AMOTL1: variants seen among roughly 807,000 people sequenced by gnomAD.
AMOTL1 encodes angiomotin like 1.
AMOTL1 carries 45 observed loss-of-function variants against 102.9 expected under a neutral mutation model. The ratio of observed to expected loss-of-function variants is 0.44; its 90% CI spans 0.34 to 0.56. The LOEUF is 0.56. Among genes scored for constraint, AMOTL1 ranks in the 20% least tolerant of loss-of-function variants. The pLI, the probability that AMOTL1 is intolerant of heterozygous loss-of-function variation, is 0.01. For missense variants in AMOTL1, 1,114 were observed against 1,225.6 expected (o/e 0.91, Z 1.36); for synonymous variants, 481 against 484.7 (o/e 0.99, Z 0.10).
intron 1 of AMOTL1, among the ~76,000 whole-genome samples, chr11:94,726,005 T>C (rs955078181): frequency 6.6e-6 from 1 of 152,126 alleles, no homozygotes; most frequent in Admixed American, 6.5e-5. Context: ...TAGTGAGAGA[T>C]GATGGCAGTT....
chr11:94,865,816 C>T, intron 10 of AMOTL1, 126 bp from the exon 11 acceptor site: 2 of 786,948 alleles, frequency 2.5e-6, no homozygotes, highest in Non-Finnish European at 4.1e-6. Context: ...CATTTGAAGA[C>T]TCGTACTGTG....
At chr11:94,850,375 CAG>C (rs1555080743) in intron 7 of AMOTL1, 116 bp downstream of exon 7, 5 of 1,326,640 alleles carry the variant, frequency 3.8e-6, no homozygotes, top group Middle Eastern at 2.7e-4. Flanking sequence ...GGAGTTGAGA[CAG>C]GGGAGGGATA....
chr11:94,762,866 G>C (rs1950810995), intron 3 of AMOTL1, among the ~76,000 whole-genome samples: 1 of 152,184 alleles, frequency 6.6e-6, no homozygotes. Context: ...CAAGCCAGAA[G>C]AGACTGGTGT....
intron 1 of AMOTL1, among the ~76,000 whole-genome samples, chr11:94,768,941 G>C (rs575651162): frequency 4.6e-5 from 7 of 152,040 alleles, no homozygotes; most frequent in East Asian, 2.0e-4. Context: ...GGGACGGAAG[G>C]GGGTGTCCGG....
At chr11:94,856,442 C>T (rs917540489) in intron 8 of AMOTL1, among the ~76,000 whole-genome samples, 1 of 150,430 alleles carries the variant, frequency 6.6e-6, no homozygotes, top group Non-Finnish European at 1.5e-5. Context: ...ATTTTTGGGG[C>T]CTGTGGGCTG....
intron 3 of AMOTL1, among the ~76,000 whole-genome samples, chr11:94,751,658 A>C (rs1351608729): frequency 6.6e-6 from 1 of 151,844 alleles, no homozygotes; most frequent in African/African-American, 2.4e-5. Context: ...GAAGGGGGAA[A>C]ATGACAATAA....
At position 94,876,543 on chromosome 11, in the gene AMOTL1, T is replaced by C. The variant is rs1430376293; in HGVS notation, c.*5748T>C. ...TGGGTCTGTGTACCAGTGTGGGGAT[T>C]CCAAGAACACTGCCTGTCCCCCACA... On this transcript the variant is annotated 3_prime_UTR_variant, in exon 13 of 13. Coordinates refer to ENST00000433060, the MANE Select transcript of AMOTL1 (RefSeq NM_130847.3). The C allele has an allele frequency of 6.5e-6, 1 of 152,688 alleles. No individual in the cohort carries two copies. The highest frequency in any genetic ancestry group is 1.5e-5 in the Non-Finnish European group (1 of 68,056). 9.5% of individuals were successfully genotyped at this position (152,688 alleles called of 1,614,324 possible).
Position 94,821,604 on chromosome 11 carries a change from G to A in AMOTL1, c.1196G>A (p.Ser399Asn), listed in dbSNP as rs778335353. Residue 399 changes from serine (S) to asparagine (N), a missense_variant, in exon 4 of 13, where the codon AGC becomes AAC. Transcript: ENST00000433060. ...ATGTCCTCCCAGACCTCTTCCGCCA[G>A]CGGGCCACTGCACTCTGTCTCCCTG... ...SPMSSQTSSA[S>N]GPLHSVSLPL... 1.9e-6 allele frequency: 3 copies of A among 1,613,808 alleles called. No homozygotes were observed. The highest frequency in any genetic ancestry group is 2.5e-6 in the Non-Finnish European group (3 of 1,179,850).
At chr11:94,708,703 T>A (rs184345702) in intron 1 of AMOTL1, among the ~76,000 whole-genome samples, 1 of 152,312 alleles carries the variant, frequency 6.6e-6, no homozygotes, top group Admixed American at 6.5e-5. Context: ...GTAGTTGGCA[T>A]GGTAGGAAGG....
At position 94,854,406 on chromosome 11, in the gene AMOTL1, A is replaced by G. The variant is rs138546144; in HGVS notation, c.1944+324A>G. ...TTTTTGGGCATTCAAGGGCAAGAAC[A>G]TCATAGGTAGAGGGAGAATATGGTA... On this transcript the variant is annotated intron_variant, in intron 8 of 12. Coordinates refer to ENST00000433060, the MANE Select transcript of AMOTL1 (RefSeq NM_130847.3). Among the ~76,000 whole-genome samples, 1,181 of 152,266 alleles carry G rather than the reference A, an allele frequency of 7.8e-3. 15 individuals are homozygous for G. The highest frequency in any genetic ancestry group is 0.027 in the African/African-American group (1,118 of 41,532).
At chr11:94,771,259 T>TGGGGGGGGGG (rs10692853) in intron 1 of AMOTL1, among the ~76,000 whole-genome samples, 1 of 96,874 alleles carries the variant, frequency 1.0e-5, no homozygotes, top group African/African-American at 3.6e-5. Flanking sequence ...TTGGCGGGGT[T>TGGGGGGGGGG]GGGGGGGGGG....
Position 94,821,722 on chromosome 11 carries a change from G to C in AMOTL1, c.1314G>C (p.Val438=), listed in dbSNP as rs767607889. 15 of 1,613,926 alleles carry C rather than the reference G, an allele frequency of 9.3e-6. No homozygotes were observed. Among genetic ancestry groups the C allele is most frequent in the Non-Finnish European group, 1.3e-5 (15 of 1,179,908 alleles). The change falls in exon 4 of 13, where the codon GTG becomes GTC. Residue 438 remains valine, a synonymous_variant. Transcript: ENST00000433060. Reference sequence around the variant, plus strand: ...TTGGTCCAGATGCCTTTGCGATTGTGGAGCGAGCCCAGCAAATGGTGGAGA... The same window carrying C: ...TTGGTCCAGATGCCTTTGCGATTGTCGAGCGAGCCCAGCAAATGGTGGAGA... The part of the protein sequence containing the change: ...QQLGPDAFAI[V]ERAQQMVEIL...
At chr11:94,749,709 G>T (rs1950629148) in intron 3 of AMOTL1, among the ~76,000 whole-genome samples, 1 of 152,152 alleles carries the variant, frequency 6.6e-6, no homozygotes, top group African/African-American at 2.4e-5. Flanking sequence ...CTGATACAAT[G>T]GGGATAATAA....
intron 6 of AMOTL1, among the ~76,000 whole-genome samples, chr11:94,837,080 T>C (rs943896773): frequency 3.9e-5 from 6 of 152,218 alleles, no homozygotes; most frequent in African/African-American, 1.2e-4. Flanking sequence ...GAAAGTTGTC[T>C]TAACTGATTC....
intron 12 of AMOTL1, among the ~76,000 whole-genome samples, chr11:94,870,202 A>C (rs902704905): frequency 2.6e-5 from 4 of 152,320 alleles, no homozygotes; most frequent in African/African-American, 9.6e-5. Context: ...GAGACTAATC[A>C]TGGTCATGGG....
Position 94,867,628 on chromosome 11 carries a change from G to A in AMOTL1, c.2488+1460G>A, listed in dbSNP as rs569245040. Among the ~76,000 whole-genome samples the A allele has an allele frequency of 5.9e-5, 9 of 152,310 alleles. No homozygotes were observed. In the South Asian group the frequency reaches 1.7e-3, roughly 28 times the overall value. ...CACAGGGACTCTCCAAGGGGCTGAG[G>A]CAGGTTCATGGGTGACTGCACAGTT... On this transcript the variant is annotated intron_variant, in intron 11 of 12. Transcript: ENST00000433060.
At chr11:94,738,889 T>G (rs1591915713) in intron 2 of AMOTL1, among the ~76,000 whole-genome samples, 1 of 152,168 alleles carries the variant, frequency 6.6e-6, no homozygotes, top group Non-Finnish European at 1.5e-5. Flanking sequence ...CTTGATATTA[T>G]GCATGGTGTC....
At chr11:94,740,330 T>A (rs1025879560) in intron 2 of AMOTL1, 2 of 152,150 alleles carry the variant, frequency 1.3e-5, no homozygotes, top group African/African-American at 4.8e-5. Context: ...GGAATCGGGT[T>A]AGAACGGGTT....
chr11:94,797,386 C>T (rs1951389202), intron 2 of AMOTL1, among the ~76,000 whole-genome samples: 1 of 152,170 alleles, frequency 6.6e-6, no homozygotes, highest in Non-Finnish European at 1.5e-5. Context: ...TCATGGAGCT[C>T]ATGTAGGTAT....
Sources: gnomAD v4.1 joint callset for allele counts (sites outside exome capture counted in the v4.1 genomes callset) on GRCh38, gnomAD v4.1.1 for gene constraint, MANE v1.5 for transcripts, NCBI Gene and HGNC (gene_info 2026-07-23, HGNC 2026-07-21) for gene names.